The following PBX3 variants were observed in gnomAD, a reference collection of about 807,000 sequenced individuals.
PBX3 encodes PBX homeobox 3.
A neutral mutation model predicts 48.5 loss-of-function variants in PBX3; 14 were observed. The ratio of observed to expected loss-of-function variants is 0.29; its 90% CI spans 0.19 to 0.45. PBX3 has a LOEUF of 0.45. Ranked by LOEUF, PBX3 falls within the 20% of genes least tolerant of loss-of-function variation. PBX3 has a pLI of 1.00. For synonymous variants in PBX3, 210 were observed against 200.3 expected, an observed-to-expected ratio of 1.05 and a Z score of -0.41; for missense variants, 386 against 546.7, an observed-to-expected ratio of 0.71 and a Z score of 2.93.
intron 2 of PBX3, among the ~76,000 whole-genome samples, chr9:125,837,342 T>A (rs1480630814): frequency 6.6e-6 from 1 of 150,816 alleles, no homozygotes; most frequent in East Asian, 1.9e-4. Context: ...GTATACTTAT[T>A]TTGTGTGTGT....
At chr9:125,837,728 C>T (rs1036585686) in intron 2 of PBX3, among the ~76,000 whole-genome samples, 7 of 151,978 alleles carry the variant, frequency 4.6e-5, no homozygotes, top group Admixed American at 1.3e-4. Context: ...GCAGCTGGGA[C>T]TACAGGCACC....
At chr9:125,796,261 C>T (rs1032434162) in intron 2 of PBX3, among the ~76,000 whole-genome samples, 2 of 152,048 alleles carry the variant, frequency 1.3e-5, no homozygotes, top group Non-Finnish European at 2.9e-5. Context: ...TGATTTGAAA[C>T]CATAGCAGTT....
intron 2 of PBX3, among the ~76,000 whole-genome samples, chr9:125,787,371 T>G (rs12238211): frequency 0.02 from 3,061 of 152,168 alleles, 173 homozygotes; most frequent in East Asian, 0.17. Flanking sequence ...TGGGCTGTGA[T>G]GAAGTAGAGT....
At chr9:125,873,916 G>A (rs1840186662) in intron 2 of PBX3, among the ~76,000 whole-genome samples, 1 of 152,030 alleles carries the variant, frequency 6.6e-6, no homozygotes, top group Non-Finnish European at 1.5e-5. Context: ...GAAAATTTAT[G>A]AAATTGACAA....
chr9:125,855,575 G>C (rs1043662259), intron 2 of PBX3, among the ~76,000 whole-genome samples: 1 of 151,982 alleles, frequency 6.6e-6, no homozygotes, highest in African/African-American at 2.4e-5. Context: ...AATTTTAGAT[G>C]TCATGTTGAC....
Position 125,871,638 on chromosome 9 carries a change from G to A in PBX3, c.275-44048G>A, listed in dbSNP as rs547832612. On this transcript the variant is annotated intron_variant, in intron 2 of 8. Transcript: ENST00000373489. ...GTGTTAGGGCTGCATAGATGGTAAT[G>A]TTATTAAAAGGACTGAAATATCTTA... Among the ~76,000 whole-genome samples the A allele has an allele frequency of 5.3e-5, 8 of 152,236 alleles. No homozygotes were observed. The South Asian group carries it at 1.5e-3, about 28-fold the overall frequency.
At chr9:125,866,090 A>G (rs1412214488) in intron 2 of PBX3, among the ~76,000 whole-genome samples, 1 of 152,058 alleles carries the variant, frequency 6.6e-6, no homozygotes, top group East Asian at 1.9e-4. Context: ...CATAAATCCC[A>G]TTGCTCAGAG....
chr9:125,767,226 C>T (rs539617742), intron 2 of PBX3, among the ~76,000 whole-genome samples: 7 of 152,188 alleles, frequency 4.6e-5, no homozygotes, highest in South Asian at 4.1e-4. Context: ...TGCAGGTGAC[C>T]GGTGAATTTG....
intron 1 of PBX3, 95 bp downstream of exon 1, chr9:125,747,748 C>T (rs2131934265): frequency 2.2e-6 from 2 of 911,834 alleles, no homozygotes; most frequent in East Asian, 3.4e-5. Flanking sequence ...GCTAGGGCCG[C>T]AGCCCCCGGC....
At chr9:125,768,554 GAAACAAAACT>G (rs1410700365) in intron 2 of PBX3, among the ~76,000 whole-genome samples, 1 of 152,142 alleles carries the variant, frequency 6.6e-6, no homozygotes, top group African/African-American at 2.4e-5. Context: ...AGCATTTTCT[GAAACAAAACT>G]AAGCAAAACT....
intron 2 of PBX3, among the ~76,000 whole-genome samples, chr9:125,792,628 G>A (rs947628148): frequency 2.0e-5 from 3 of 151,168 alleles, no homozygotes; most frequent in Non-Finnish European, 4.4e-5. Context: ...CATTGTTTTA[G>A]TTTTTCATAA....
intron 4 of PBX3, among the ~76,000 whole-genome samples, chr9:125,931,013 A>C (rs1022037386): frequency 6.6e-6 from 1 of 152,190 alleles, no homozygotes; most frequent in Non-Finnish European, 1.5e-5. Flanking sequence ...CAAGCTCACT[A>C]TGGAAAGTTT....
rs919857017 is a variant in PBX3 at position 125,759,698 on chromosome 9, G to A, written c.274+11075G>A. Among the ~76,000 whole-genome samples the A allele has an allele frequency of 1.3e-5, 2 of 152,194 alleles. No individual in the cohort carries two copies. Among genetic ancestry groups the A allele is most frequent in the East Asian group, 1.9e-4 (1 of 5,202 alleles). On this transcript the variant is annotated intron_variant, in intron 2 of 8. Transcript: ENST00000373489. This position sits in a 1 kb window ranked among gnomAD's most constrained non-coding sequence, Gnocchi z 4.2. ...TAGCTAGGAGCAGTTTGTGGACCGC[G>A]TCTGTGAACGCGGCTCATAATTGTT...
chr9:125,887,577 C>T (rs1296505016), intron 2 of PBX3, among the ~76,000 whole-genome samples: 3 of 152,114 alleles, frequency 2.0e-5, no homozygotes, highest in African/African-American at 7.2e-5. Context: ...AGCATGTTTG[C>T]CAGTTTAACA....
chr9:125,811,897 T>C (rs927772207), intron 2 of PBX3, among the ~76,000 whole-genome samples: 2 of 152,202 alleles, frequency 1.3e-5, no homozygotes, highest in Non-Finnish European at 2.9e-5. Context: ...AATTCATATG[T>C]TGAAACCTCG....
intron 2 of PBX3, among the ~76,000 whole-genome samples, chr9:125,870,500 AAAC>A (rs1840095663): frequency 6.6e-6 from 1 of 151,948 alleles, no homozygotes; most frequent in Admixed American, 6.6e-5. Context: ...ACAAACAAAA[AAAC>A]CCCATCACAT....
At position 125,929,663 on chromosome 9, in the gene PBX3, T is replaced by C. The variant is rs776107167; in HGVS notation, c.525T>C (p.Asn175=). 1 of 1,604,384 alleles carries C rather than the reference T, an allele frequency of 6.2e-7. No homozygotes were observed. Among genetic ancestry groups the C allele is most frequent in the East Asian group, 2.2e-5 (1 of 44,766 alleles). ...TELEKYEQAC[N]EFTTHVMNLL... is the part of the protein sequence containing the mutation. ...TTTTTTTCCCATTACAGGCATGTAA[T>C]GAATTTACTACACATGTGATGAACC... is the stretch of plus-strand genomic sequence containing the variant. Residue 175 remains asparagine (N), a synonymous_variant, in exon 4 of 9, where the codon AAT becomes AAC. Transcript: ENST00000373489.
chr9:125,811,212 A>G (rs901084583), intron 2 of PBX3, among the ~76,000 whole-genome samples: 1 of 152,214 alleles, frequency 6.6e-6, no homozygotes, highest in African/African-American at 2.4e-5. Flanking sequence ...TAGCATATGG[A>G]AAATCAGTGT....
intron 2 of PBX3, among the ~76,000 whole-genome samples, chr9:125,907,524 G>A (rs1210830446): frequency 6.6e-6 from 1 of 152,008 alleles, no homozygotes; most frequent in East Asian, 1.9e-4. Context: ...AGTGACAATT[G>A]TATGTCAGGA....
Sources: gnomAD v4.1 joint callset for allele counts (sites outside exome capture counted in the v4.1 genomes callset) on GRCh38, gnomAD v4.1.1 for gene constraint, Gnocchi (gnomAD v3.1) non-coding constraint, MANE v1.5 for transcripts, NCBI Gene and HGNC (gene_info 2026-07-23, HGNC 2026-07-21) for gene names.